The following COG7 variants were observed in gnomAD, a reference collection of about 807,000 sequenced individuals.
COG7 encodes conserved oligomeric Golgi complex subunit 7.
COG7 carries 49 observed loss-of-function variants against 91.5 expected under a neutral mutation model. That is an observed-to-expected ratio of 0.54 (90% CI 0.43 to 0.68). COG7 has a LOEUF of 0.68. Ranked by LOEUF, COG7 falls within the 30% of genes least tolerant of loss-of-function variation. The probability of loss-of-function intolerance (pLI) is 0.00; values close to 1 mark genes in which losing one functional copy is unlikely to be tolerated. For synonymous variants in COG7, 365 were observed against 388.7 expected (o/e 0.94, Z 0.72); for missense variants, 895 against 961.3 (o/e 0.93, Z 0.91).
chr16:23,403,694 G>A lies in COG7; in HGVS notation c.1803C>T (p.Asp601=), dbSNP rs1039295104. The A allele has an allele frequency of 8.7e-6, 14 of 1,613,858 alleles. No homozygotes were observed. The highest frequency in any genetic ancestry group is 8.0e-5 in the African/African-American group (6 of 74,910). The change falls in exon 13 of 17, where the codon GAC becomes GAT. Residue 601 remains aspartate, a splice_region_variant and synonymous_variant. Transcript: ENST00000307149. ...KQQLLLISKM[D]SWNTAGIGET... ...TTGATGTGGTCAGTGAGAAACTCACGTCCATCTTCGAAATAAGCAACAGCT... is the reference window on the plus strand; with the variant it reads ...TTGATGTGGTCAGTGAGAAACTCACATCCATCTTCGAAATAAGCAACAGCT...
At chr16:23,431,011 A>G (rs1343521004) in intron 6 of COG7, among the ~76,000 whole-genome samples, 1 of 151,850 alleles carries the variant, frequency 6.6e-6, no homozygotes, top group Non-Finnish European at 1.5e-5. Context: ...TTAATTTAAT[A>G]TTTTTATATA....
intron 11 of COG7, among the ~76,000 whole-genome samples, chr16:23,409,086 T>TGCGC (rs879869735): frequency 8.8e-6 from 1 of 113,260 alleles, no homozygotes; most frequent in Non-Finnish European, 1.8e-5. Context: ...TGTGTGTGTG[T>TGCGC]GTGCGTGCAT....
intron 11 of COG7, among the ~76,000 whole-genome samples, 182 bp from the exon 12 acceptor site, chr16:23,406,444 G>A (rs934933750): frequency 1.3e-5 from 2 of 152,078 alleles, no homozygotes; most frequent in Non-Finnish European, 2.9e-5. Context: ...TGGACCTCAG[G>A]TGCACAATAA....
At chr16:23,401,257 G>C (rs1963372155) in intron 13 of COG7, among the ~76,000 whole-genome samples, 1 of 152,226 alleles carries the variant, frequency 6.6e-6, no homozygotes, top group African/African-American at 2.4e-5. Flanking sequence ...CTTAAGGCCA[G>C]AGTGTTTGCC....
At chr16:23,435,956 G>A (rs1596949064) in intron 4 of COG7, among the ~76,000 whole-genome samples, 2 of 152,264 alleles carry the variant, frequency 1.3e-5, no homozygotes, top group Admixed American at 6.5e-5. Flanking sequence ...TATTCCATAG[G>A]CCAGGTGTGG....
intron 4 of COG7, among the ~76,000 whole-genome samples, chr16:23,440,022 G>C (rs117613199): frequency 6.7e-6 from 1 of 150,182 alleles, no homozygotes; most frequent in South Asian, 2.1e-4. Context: ...GCTGAGGTGT[G>C]AGGATCACTT....
In COG7 at chr16:23,403,568, G is replaced by A. The variant is rs181875691; in HGVS notation, c.1803+126C>T. ...GTGAAATTGGAAAGTGGCTCTTTCC[G>A]GCTTGGGAAAGTTAAAGCGGGATCT... On this transcript the variant is annotated intron_variant, in intron 13 of 16. Transcript: ENST00000307149. 4,111 of 1,224,452 alleles carry A rather than the reference G, an allele frequency of 3.4e-3. 17 individuals are homozygous for A. Among genetic ancestry groups the A allele is most frequent in the Non-Finnish European group, 4.6e-3 (3,846 of 839,356 alleles). 75.8% of individuals were successfully genotyped at this position (1,224,452 alleles called of 1,614,324 possible).
At chr16:23,435,075 T>C (rs250556) in intron 4 of COG7, among the ~76,000 whole-genome samples, 25,495 of 152,082 alleles carry the variant, frequency 0.17, 2,299 homozygotes, top group East Asian at 0.29. Flanking sequence ...AATAAGTAAA[T>C]AATTTGGGCT....
Position 23,413,581 on chromosome 16 carries a change from G to T in COG7, c.1293-17C>A. ...GACACATACCTGCCGGGAAAGGGAA[G>T]AAAATGGTAGGGAGGTCACCACTGA... On this transcript the variant is annotated splice_polypyrimidine_tract_variant and intron_variant, in intron 9 of 16. Coordinates refer to ENST00000307149, the MANE Select transcript of COG7 (RefSeq NM_153603.4). 2 of 1,349,722 alleles carry T rather than the reference G, an allele frequency of 1.5e-6. No individual in the cohort carries two copies. Among genetic ancestry groups the T allele is most frequent in the Non-Finnish European group, 2.1e-6 (2 of 938,586 alleles). 83.6% of individuals were successfully genotyped at this position (1,349,722 alleles called of 1,614,324 possible).
intron 8 of COG7, among the ~76,000 whole-genome samples, chr16:23,417,967 T>C (rs568292045): frequency 6.6e-6 from 1 of 152,278 alleles, no homozygotes; most frequent in South Asian, 2.1e-4. Context: ...GACAACCTTA[T>C]GACTTGAAAA....
At chr16:23,401,254 C>T (rs1250238522) in intron 13 of COG7, among the ~76,000 whole-genome samples, 7 of 152,184 alleles carry the variant, frequency 4.6e-5, no homozygotes, top group African/African-American at 1.7e-4. Context: ...ATCCTTAAGG[C>T]CAGAGTGTTT....
chr16:23,419,566 T>G (rs1963717244), intron 7 of COG7, among the ~76,000 whole-genome samples: 1 of 149,360 alleles, frequency 6.7e-6, no homozygotes, highest in Admixed American at 6.7e-5. Flanking sequence ...CTACCCATTA[T>G]GGTGAAACCC....
At chr16:23,407,613 T>G (rs771047155) in intron 11 of COG7, among the ~76,000 whole-genome samples, 1 of 152,216 alleles carries the variant, frequency 6.6e-6, no homozygotes, top group Non-Finnish European at 1.5e-5. Flanking sequence ...CTCTTGCTTC[T>G]GTTCTGCATT....
In COG7 at chr16:23,393,541, ATAGAT is replaced by A. The variant is rs1386827225; in HGVS notation, c.1888-199_1888-195del. 4.4e-5 allele frequency: 26 copies of A among 592,618 alleles called. No individual in the cohort carries two copies. The African/African-American group carries it at 4.6e-4, about 11-fold the overall frequency. 36.7% of individuals were successfully genotyped at this position (592,618 alleles called of 1,614,324 possible). A position where few individuals can be genotyped will look rare whatever the true frequency, so the allele number is the denominator to read the frequency against. On this transcript the variant is annotated intron_variant, in intron 14 of 16. Coordinates refer to ENST00000307149, the MANE Select transcript of COG7 (RefSeq NM_153603.4). ...AAAAAGAATCACTGGTAGCTTGCAT[ATAGAT>A]TATAGATTCATCCTTCTTATAATGA... is the stretch of plus-strand genomic sequence containing the variant.
intron 13 of COG7, among the ~76,000 whole-genome samples, chr16:23,402,950 T>C (rs2142065080): frequency 6.6e-6 from 1 of 152,292 alleles, no homozygotes; most frequent in South Asian, 2.1e-4. Context: ...GCCAGATGAG[T>C]TCTTGTCATT....
intron 14 of COG7, 51 bp downstream of exon 14, chr16:23,397,995 G>A: frequency 6.9e-7 from 1 of 1,448,138 alleles, no homozygotes; most frequent in Non-Finnish European, 9.7e-7. Context: ...AAAAGACAAG[G>A]AAGGTCTGAA....
At position 23,410,366 on chromosome 16, in the gene COG7, C is replaced by G. The variant is rs369925503; in HGVS notation, c.1410-6G>C. 52 of 1,613,326 alleles carry G rather than the reference C, an allele frequency of 3.2e-5. No individual in the cohort carries two copies. The highest frequency in any genetic ancestry group is 2.7e-4 in the Admixed American group (16 of 59,944). On this transcript the variant is annotated splice_polypyrimidine_tract_variant and splice_region_variant and intron_variant, in intron 10 of 16. Coordinates refer to ENST00000307149, the MANE Select transcript of COG7 (RefSeq NM_153603.4). The stretch of plus-strand genomic sequence containing the variant: ...CTCCACAGGTGGCTATTATCCTAAA[C>G]AAAACAAAAAGCACTTCAAGTTCAA...
intron 6 of COG7, among the ~76,000 whole-genome samples, chr16:23,430,171 G>A (rs1596943489): frequency 2.6e-5 from 4 of 152,310 alleles, no homozygotes; most frequent in Admixed American, 2.6e-4. Context: ...TGTAATCCCA[G>A]CACTTTGGGA....
rs1596958017 is a variant in COG7, at chr16:23,445,723, A to C, written c.318+90T>G. On this transcript the variant is annotated intron_variant, in intron 2 of 16. Transcript: ENST00000307149. ...TGAGTGATGGTTGGCCTCCCAAAACACCGTGCTGTTCTAAAGCCCTTACGA... is the reference window on the plus strand; with the variant it reads ...TGAGTGATGGTTGGCCTCCCAAAACCCCGTGCTGTTCTAAAGCCCTTACGA... 7 of 1,328,900 alleles carry C rather than the reference A, an allele frequency of 5.3e-6. No individual in the cohort carries two copies. The East Asian group carries it at 9.2e-5, about 17-fold the overall frequency. 82.3% of individuals were successfully genotyped at this position (1,328,900 alleles called of 1,614,324 possible).
Sources: gnomAD v4.1 joint callset for allele counts (sites outside exome capture counted in the v4.1 genomes callset) on GRCh38, gnomAD v4.1.1 for gene constraint, MANE v1.5 for transcripts, NCBI Gene and HGNC (gene_info 2026-07-23, HGNC 2026-07-21) for gene names.